CNTNAP3B: variants seen among roughly 807,000 people sequenced by gnomAD.
CNTNAP3B encodes contactin associated protein family member 3B, also known as contactin-associated protein-like 3B.
Under a neutral mutation model 108.9 loss-of-function variants are expected in CNTNAP3B, and 25 were observed. That is an observed-to-expected ratio of 0.23 (90% CI 0.17 to 0.32). CNTNAP3B has a LOEUF of 0.32. CNTNAP3B is among the 10% of genes least tolerant of loss of function. The pLI is 1.00. For synonymous variants in CNTNAP3B, 103 were observed against 473.4 expected (o/e 0.22, Z 10.16); for missense variants, 252 against 1,210.4 (o/e 0.21, Z 11.75).
rs533288255 is a variant in CNTNAP3B at position 42,113,687 on chromosome 9, G to A, written c.86-8948C>T. Among the ~76,000 whole-genome samples, 4 of 139,470 alleles carry A rather than the reference G, an allele frequency of 2.9e-5. 1 individual carries two copies. The highest frequency in any genetic ancestry group is 4.6e-5 in the Non-Finnish European group (3 of 64,950). The allele number at this position is 139,470 out of a possible 152,430, so 91.5% of individuals were successfully genotyped here. ...AAAGGGCAATAAATGATCTTTCCAC[G>A]GGTACAAAAAAATAGAAAAAATGAA... On this transcript the variant is annotated intron_variant, in intron 1 of 23. Transcript: ENST00000377561.
At chr9:41,979,653 T>TTATATA (rs1308247359) in intron 9 of CNTNAP3B, 1 of 36,562 alleles carries the variant, frequency 2.7e-5, no homozygotes, top group African/African-American at 8.6e-5. Flanking sequence ...AAAAAATATT[T>TTATATA]TATATATATA....
At position 41,991,157 on chromosome 9, in the gene CNTNAP3B, C is replaced by T. The variant is rs1392904632; in HGVS notation, c.1333+453G>A. ...AAGAATAAGAACTCTTGGTATTTGC[C>T]GGGCATCTTTCCCTGTAAAGTGATA... On this transcript the variant is annotated intron_variant, in intron 8 of 23. Transcript: ENST00000377561. Among the ~76,000 whole-genome samples, 15 of 116,034 alleles carry T rather than the reference C, an allele frequency of 1.3e-4. 5 individuals are homozygous for T. The highest frequency in any genetic ancestry group is 4.8e-4 in the African/African-American group (14 of 28,910). 76.1% of individuals were successfully genotyped at this position (116,034 alleles called of 152,430 possible).
At chr9:41,931,798 T>C (rs1415429725) in intron 14 of CNTNAP3B, among the ~76,000 whole-genome samples, 2 of 144,846 alleles carry the variant, frequency 1.4e-5, no homozygotes, top group Non-Finnish European at 3.0e-5. Flanking sequence ...TCTGTGATCA[T>C]CATTTTAGCA....
intron 14 of CNTNAP3B, among the ~76,000 whole-genome samples, chr9:41,930,553 A>C (rs1191738460): frequency 6.6e-6 from 1 of 151,572 alleles, no homozygotes; most frequent in Non-Finnish European, 1.5e-5. Context: ...AAAAAATACA[A>C]AAAACAAACA....
At chr9:42,038,285 A>C (rs1015693206) in intron 3 of CNTNAP3B, among the ~76,000 whole-genome samples, 1 of 97,024 alleles carries the variant, frequency 1.0e-5, no homozygotes, top group Non-Finnish European at 2.0e-5. Context: ...AACAATATTA[A>C]CCATAAATGT....
intron 3 of CNTNAP3B, among the ~76,000 whole-genome samples, chr9:42,015,621 C>T (rs1468830857): frequency 0.019 from 918 of 48,058 alleles, 194 homozygotes; most frequent in Non-Finnish European, 0.027. Context: ...CCACCACCTG[C>T]GTGGAGGTGG....
At chr9:41,942,360 C>A (rs1824378057) in intron 13 of CNTNAP3B, among the ~76,000 whole-genome samples, 2 of 152,384 alleles carry the variant, frequency 1.3e-5, no homozygotes, top group Non-Finnish European at 2.9e-5. Flanking sequence ...CCTGTAATCC[C>A]AGCATTTTGG....
chr9:41,928,436 C>T (rs1325589651), intron 15 of CNTNAP3B, among the ~76,000 whole-genome samples: 7 of 152,016 alleles, frequency 4.6e-5, no homozygotes, highest in South Asian at 2.1e-4. Context: ...CGGTCCCCGC[C>T]CTCTCTGGGG....
intron 3 of CNTNAP3B, among the ~76,000 whole-genome samples, chr9:42,059,937 G>T (rs1261982895): frequency 6.7e-6 from 1 of 148,652 alleles, no homozygotes; most frequent in Non-Finnish European, 1.5e-5. Flanking sequence ...AGTCTTTAGG[G>T]CTTTCTATAT....
In CNTNAP3B at chr9:42,015,592, C is replaced by G; in HGVS notation, c.391-2067G>C. Among the ~76,000 whole-genome samples, 2 of 70,832 alleles carry G rather than the reference C, an allele frequency of 2.8e-5. 1 individual carries two copies. Among genetic ancestry groups the G allele is most frequent in the Non-Finnish European group, 5.6e-5 (2 of 35,760 alleles). The allele number at this position is 70,832 out of a possible 152,430, so 46.5% of individuals were successfully genotyped here. A position where few individuals can be genotyped will look rare whatever the true frequency, so the allele number is the denominator to read the frequency against. Reference sequence around the variant, plus strand: ...AGGGCCAGAGTACTAATTGAGATAACACCTGGAAATCAATCAGCCCACCAC... The same window carrying G: ...AGGGCCAGAGTACTAATTGAGATAAGACCTGGAAATCAATCAGCCCACCAC... On this transcript the variant is annotated intron_variant, in intron 3 of 23. Coordinates refer to ENST00000377561, the MANE Select transcript of CNTNAP3B (RefSeq NM_001201380.3).
At chr9:42,070,728 G>C (rs1473949268) in intron 3 of CNTNAP3B, among the ~76,000 whole-genome samples, 34 of 152,128 alleles carry the variant, frequency 2.2e-4, no homozygotes, top group Non-Finnish European at 3.7e-4. Flanking sequence ...AGTGCTGATC[G>C]GCAGATCTCC....
intron 18 of CNTNAP3B, among the ~76,000 whole-genome samples, chr9:41,915,541 T>C (rs1823493578): frequency 7.5e-6 from 1 of 133,562 alleles, no homozygotes; most frequent in South Asian, 2.5e-4. Context: ...AAACTGGGCA[T>C]ACTTGTTGTG....
At chr9:41,927,863 C>A (rs1489786557) in intron 15 of CNTNAP3B, among the ~76,000 whole-genome samples, 1 of 147,486 alleles carries the variant, frequency 6.8e-6, no homozygotes, top group African/African-American at 2.5e-5. Flanking sequence ...AGGAGAAGGA[C>A]AAAGAGATTA....
intron 15 of CNTNAP3B, among the ~76,000 whole-genome samples, chr9:41,924,431 T>C (rs1280499519): frequency 6.6e-6 from 1 of 152,296 alleles, no homozygotes; most frequent in African/African-American, 2.4e-5. Flanking sequence ...AAGAACTCGG[T>C]AAGATGTGAG....
intron 13 of CNTNAP3B, among the ~76,000 whole-genome samples, chr9:41,942,301 C>T (rs1044818045): frequency 6.6e-6 from 1 of 152,256 alleles, no homozygotes; most frequent in Non-Finnish European, 1.5e-5. Context: ...TGGTGAAACC[C>T]CATCTCTACT....
At position 42,121,114 on chromosome 9, in the gene CNTNAP3B, G is replaced by A. The variant is rs1374112811; in HGVS notation, c.85+7896C>T. 2.2e-5 allele frequency among the ~76,000 whole-genome samples: 3 copies of A among 138,416 alleles called. 1 individual carries two copies. The highest frequency in any genetic ancestry group is 8.6e-5 in the African/African-American group (3 of 34,766). 90.8% of individuals were successfully genotyped at this position (138,416 alleles called of 152,430 possible). On this transcript the variant is annotated intron_variant, in intron 1 of 23. Coordinates refer to ENST00000377561, the MANE Select transcript of CNTNAP3B (RefSeq NM_001201380.3). ...AGAGCCAGGAGTTAGCACCCCAAGG[G>A]CAGTGCTGAATCCCTGGACAGGACT...
At chr9:41,943,887 G>A (rs1463406263) in intron 13 of CNTNAP3B, among the ~76,000 whole-genome samples, 1 of 152,238 alleles carries the variant, frequency 6.6e-6, no homozygotes, top group Non-Finnish European at 1.5e-5. Flanking sequence ...AAAAATTGAA[G>A]ACTTTCTTAA....
chr9:41,944,713 C>G (rs1289773509), intron 13 of CNTNAP3B, among the ~76,000 whole-genome samples: 185 of 152,088 alleles, frequency 1.2e-3, no homozygotes, highest in African/African-American at 4.0e-3. Context: ...TAAATGTAAA[C>G]AGTCTAAATA....
In CNTNAP3B at chr9:41,983,769, G is replaced by A. The variant is rs1409016335; in HGVS notation, c.1477+2399C>T. The A allele has an allele frequency of 4.5e-5, 4 of 88,082 alleles. 2 individuals carry two copies. The highest frequency in any genetic ancestry group is 8.7e-5 in the African/African-American group (2 of 23,086). 5.5% of individuals were successfully genotyped at this position (88,082 alleles called of 1,614,324 possible). On this transcript the variant is annotated intron_variant, in intron 9 of 23. Coordinates refer to ENST00000377561, the MANE Select transcript of CNTNAP3B (RefSeq NM_001201380.3). ...GCATTAACTAATTTTAAAAATCTTG[G>A]CCTGGCACAGTGGCTCACGCCTGTA...
Sources: gnomAD v4.1 joint callset for allele counts (sites outside exome capture counted in the v4.1 genomes callset) on GRCh38, gnomAD v4.1.1 for gene constraint, MANE v1.5 for transcripts, NCBI Gene and HGNC (gene_info 2026-07-23, HGNC 2026-07-21) for gene names.